The following SUCLG2 variants were observed in gnomAD, a reference collection of about 807,000 sequenced individuals.
SUCLG2 encodes the protein succinate-CoA ligase GDP-forming subunit beta.
SUCLG2 carries 42 observed loss-of-function variants against 47.9 expected under a neutral mutation model. The observed-to-expected ratio is 0.88, with a 90% CI of 0.69 to 1.14. The LOEUF is 1.14. SUCLG2 is among the 50% of genes most tolerant of loss of function. SUCLG2 has a pLI of 0.00. For synonymous variants in SUCLG2, 195 were observed against 197.3 expected, an observed-to-expected ratio of 0.99 and a Z score of 0.10; for missense variants, 571 against 525.9, an observed-to-expected ratio of 1.09 and a Z score of -0.84.
chr3:67,620,584 C>CAAAAAAAAAA (rs71109890), intron 1 of SUCLG2, among the ~76,000 whole-genome samples: 19 of 63,462 alleles, frequency 3.0e-4, no homozygotes, highest in Admixed American at 6.2e-4. Context: ...GACTCCATCT[C>CAAAAAAAAAA]AAAAAAAAAA....
chr3:67,473,979 C>G (rs1704669555), intron 9 of SUCLG2, among the ~76,000 whole-genome samples: 1 of 152,258 alleles, frequency 6.6e-6, no homozygotes, highest in South Asian at 2.1e-4. Flanking sequence ...ACTAACAGGT[C>G]AGGCATGGTG....
chr3:67,416,355 T>A (rs1353101467), intron 9 of SUCLG2, among the ~76,000 whole-genome samples: 1 of 152,250 alleles, frequency 6.6e-6, no homozygotes, highest in Non-Finnish European at 1.5e-5. Context: ...AAATTGAAAC[T>A]AATCCTTTGC....
At chr3:67,480,936 G>A (rs1293540429) in intron 9 of SUCLG2, among the ~76,000 whole-genome samples, 2 of 152,152 alleles carry the variant, frequency 1.3e-5, no homozygotes, top group East Asian at 1.9e-4. Context: ...AAAGCAGGGT[G>A]AGCAAAGAAT....
intron 1 of SUCLG2, among the ~76,000 whole-genome samples, chr3:67,636,810 T>C (rs538120811): frequency 6.6e-6 from 1 of 151,862 alleles, no homozygotes; most frequent in Admixed American, 6.5e-5. Context: ...GTATCTTTTT[T>C]TTTTTTTTAG....
At chr3:67,609,029 C>T (rs17809202) in intron 2 of SUCLG2, among the ~76,000 whole-genome samples, 74,080 of 151,960 alleles carry the variant, frequency 0.49, 18,985 homozygotes, top group African/African-American at 0.64. Flanking sequence ...GTGATCCTGG[C>T]GGAACTGAGG....
chr3:67,425,040 C>A (rs959869286), intron 9 of SUCLG2, among the ~76,000 whole-genome samples: 13 of 151,774 alleles, frequency 8.6e-5, no homozygotes, highest in African/African-American at 3.2e-4. Context: ...TTCCCCCACA[C>A]CTTTAGCCAG....
At chr3:67,511,908 T>C (rs531781114) in intron 6 of SUCLG2, among the ~76,000 whole-genome samples, 1 of 150,974 alleles carries the variant, frequency 6.6e-6, no homozygotes, top group South Asian at 2.1e-4. Flanking sequence ...TGGAGCGTAC[T>C]GGCATAATCA....
At position 67,503,142 on chromosome 3, in the gene SUCLG2, C is replaced by T. The variant is rs752244297; in HGVS notation, c.758-4847G>A. Among the ~76,000 whole-genome samples the T allele has an allele frequency of 1.2e-4, 19 of 152,012 alleles. 1 individual carries two copies. The highest frequency in any genetic ancestry group is 2.0e-4 in the Admixed American group (3 of 15,262). On this transcript the variant is annotated intron_variant, in intron 7 of 10. Coordinates refer to ENST00000307227, the MANE Select transcript of SUCLG2 (RefSeq NM_003848.4). The stretch of plus-strand genomic sequence containing the variant: ...TAGTTGCAATACAGACTGTATGGCC[C>T]GCAAACCCCCAAATATTTACTAACT...
intron 10 of SUCLG2, among the ~76,000 whole-genome samples, chr3:67,398,289 TC>T (rs1211044517): frequency 6.6e-6 from 1 of 150,432 alleles, no homozygotes; most frequent in African/African-American, 2.4e-5. Context: ...AGGGCTAATA[TC>T]CAGAATCTAC....
chr3:67,404,907 G>A (rs184275805), intron 9 of SUCLG2, among the ~76,000 whole-genome samples: 72 of 150,780 alleles, frequency 4.8e-4, no homozygotes, highest in African/African-American at 1.7e-3. Context: ...ACTAACTGCT[G>A]TTCCATGATG....
chr3:67,410,676 T>C (rs1264759616), intron 9 of SUCLG2, among the ~76,000 whole-genome samples: 1 of 151,928 alleles, frequency 6.6e-6, no homozygotes, highest in Non-Finnish European at 1.5e-5. Flanking sequence ...CACAGAGATA[T>C]TCAAAGCTAA....
chr3:67,457,220 T>C (rs1488871692), intron 9 of SUCLG2, among the ~76,000 whole-genome samples: 1 of 152,166 alleles, frequency 6.6e-6, no homozygotes, highest in Non-Finnish European at 1.5e-5. Context: ...TTGTAGACTC[T>C]AGTATGGTTC....
At chr3:67,440,723 A>T (rs540816450) in intron 9 of SUCLG2, among the ~76,000 whole-genome samples, 1 of 152,340 alleles carries the variant, frequency 6.6e-6, no homozygotes, top group African/African-American at 2.4e-5. Context: ...AAAAGTCAGG[A>T]AACAACAGAT....
intron 9 of SUCLG2, among the ~76,000 whole-genome samples, chr3:67,453,221 TTC>T (rs765453545): frequency 3.7e-4 from 34 of 91,950 alleles, no homozygotes; most frequent in Admixed American, 5.2e-4. Context: ...ACATTCAGAC[TTC>T]TTTTTTTTTT....
At chr3:67,484,061 G>A (rs1704986599) in intron 9 of SUCLG2, among the ~76,000 whole-genome samples, 1 of 152,184 alleles carries the variant, frequency 6.6e-6, no homozygotes, top group Non-Finnish European at 1.5e-5. Context: ...CTCCCTCTGT[G>A]TGTGCTCTGG....
In SUCLG2 at chr3:67,628,191, G is replaced by A. The variant is rs1240011248; in HGVS notation, c.85-18595C>T. Reference sequence around the variant, plus strand: ...TTCCCTGTTTCATACTTTCTTATGTGTACTAATTTTATATATGTATATGGC... The same window carrying A: ...TTCCCTGTTTCATACTTTCTTATGTATACTAATTTTATATATGTATATGGC... On this transcript the variant is annotated intron_variant, in intron 1 of 10. Transcript: ENST00000307227. 5.3e-5 allele frequency among the ~76,000 whole-genome samples: 8 copies of A among 152,172 alleles called. No homozygotes were observed. In the South Asian group the frequency reaches 6.2e-4, roughly 12 times the overall value.
chr3:67,393,466 G>T (rs562755890), intron 10 of SUCLG2, among the ~76,000 whole-genome samples: 1 of 152,340 alleles, frequency 6.6e-6, no homozygotes, highest in African/African-American at 2.4e-5. Flanking sequence ...GCGAGGCTGG[G>T]GGAGGGGTGC....
chr3:67,430,651 A>G (rs1255300092), intron 9 of SUCLG2, among the ~76,000 whole-genome samples: 1 of 152,196 alleles, frequency 6.6e-6, no homozygotes, highest in Non-Finnish European at 1.5e-5. Context: ...CAAAAAATCA[A>G]TGAATCCAGG....
Position 67,375,237 on chromosome 3 carries a change from T to C in SUCLG2, c.*507A>G, listed in dbSNP as rs1702011859. ...AACCTGTAAAATCTGCAGTAGTGTG[T>C]AATAGCTATTTGCTTGAATGTCTTA... On this transcript the variant is annotated 3_prime_UTR_variant, in exon 11 of 11. Coordinates refer to ENST00000307227, the MANE Select transcript of SUCLG2 (RefSeq NM_003848.4). The C allele has an allele frequency of 1.0e-6, 1 of 985,926 alleles. No homozygotes were observed. Among genetic ancestry groups the C allele is most frequent in the Non-Finnish European group, 1.2e-6 (1 of 829,956 alleles). The allele number at this position is 985,926 out of a possible 1,614,324, so 61.1% of individuals were successfully genotyped here. A position where few individuals can be genotyped will look rare whatever the true frequency, so the allele number is the denominator to read the frequency against.
Sources: gnomAD v4.1 joint callset for allele counts (sites outside exome capture counted in the v4.1 genomes callset) on GRCh38, gnomAD v4.1.1 for gene constraint, MANE v1.5 for transcripts, NCBI Gene and HGNC (gene_info 2026-07-23, HGNC 2026-07-21) for gene names.